The following FUBP1 variants were observed in gnomAD, a reference collection of about 807,000 sequenced individuals.
FUBP1 encodes far upstream element-binding protein 1.
FUBP1 carries 16 observed loss-of-function variants against 94.9 expected under a neutral mutation model. That is an observed-to-expected ratio of 0.17 (90% CI 0.11 to 0.26). The LOEUF is 0.26. Ranked by LOEUF, FUBP1 falls within the 10% of genes least tolerant of loss-of-function variation. FUBP1 has a pLI of 1.00. For missense variants in FUBP1, 583 were observed against 808.6 expected (o/e 0.72, Z 3.38); for synonymous variants, 279 against 254.9 (o/e 1.09, Z -0.90).
At position 77,947,849 on chromosome 1, in the gene FUBP1, T is replaced by A; in HGVS notation, c.*917A>T. ...TTCAATGGCAGATGCAATGTAGCTA[T>A]ACTTTTTGCACACTATTCACTTTTC... On this transcript the variant is annotated 3_prime_UTR_variant, in exon 20 of 20. Coordinates refer to ENST00000370768, the MANE Select transcript of FUBP1 (RefSeq NM_003902.5). 8.9e-7 allele frequency: 1 copy of A among 1,127,522 alleles called. No individual in the cohort carries two copies. Among genetic ancestry groups the A allele is most frequent in the African/African-American group, 1.6e-5 (1 of 62,546 alleles). The allele number at this position is 1,127,522 out of a possible 1,614,324, so 69.8% of individuals were successfully genotyped here. A position where few individuals can be genotyped will look rare whatever the true frequency, so the allele number is the denominator to read the frequency against.
chr1:77,964,286 T>C lies in FUBP1; in HGVS notation c.908A>G (p.Asn303Ser), dbSNP rs1055507710. The change falls in exon 11 of 20, where the codon AAT becomes AGT. Residue 303 changes from asparagine (N) to serine (S), a missense_variant. Physicochemically the swap from Asn to Ser is conservative, Grantham distance 46. Transcript: ENST00000370768. ...RNGEMIKKIQ[N>S]DAGVRIQFKP... ...AAACTGAATGCGAACACCAGCATCA[T>C]TTTGTATTTTTTTGATCATCTCTCC... 6.2e-7 allele frequency: 1 copy of C among 1,609,366 alleles called. No individual in the cohort carries two copies. Among genetic ancestry groups the C allele is most frequent in the Admixed American group, 1.7e-5 (1 of 60,028 alleles).
In FUBP1 at chr1:77,960,846, C is replaced by T. The variant is rs754452836; in HGVS notation, c.1345-351G>A. 4 of 213,310 alleles carry T rather than the reference C, an allele frequency of 1.9e-5. No individual in the cohort carries two copies. The South Asian group carries it at 2.0e-4, about 11-fold the overall frequency. 13.2% of individuals were successfully genotyped at this position (213,310 alleles called of 1,614,324 possible). On this transcript the variant is annotated intron_variant, in intron 14 of 19. Coordinates refer to ENST00000370768, the MANE Select transcript of FUBP1 (RefSeq NM_003902.5). ...TCCATCTTACTCACAGAAATCAGGT[C>T]CTTATCTTCAGCTCTTCTCTCTATA...
chr1:77,970,836 G>C (rs1460229737), intron 1 of FUBP1, among the ~76,000 whole-genome samples: 1 of 152,112 alleles, frequency 6.6e-6, no homozygotes, highest in Non-Finnish European at 1.5e-5. Flanking sequence ...CTTGAGCTCA[G>C]GAGTTCGAGA....
intron 1 of FUBP1, among the ~76,000 whole-genome samples, chr1:77,977,525 C>G (rs867819079): frequency 1.3e-5 from 2 of 152,256 alleles, no homozygotes; most frequent in South Asian, 2.1e-4. Context: ...GACTCCGTCT[C>G]AAACAAAACA....
chr1:77,952,674 T>A (rs536524248), intron 18 of FUBP1, among the ~76,000 whole-genome samples: 5 of 152,206 alleles, frequency 3.3e-5, no homozygotes, highest in Non-Finnish European at 7.3e-5. Flanking sequence ...TTCTTATTTG[T>A]GGTAAAAAGA....
rs565098453 is a variant in FUBP1 at position 77,964,488 on chromosome 1, T to C, written c.838-132A>G. On this transcript the variant is annotated intron_variant, in intron 10 of 19. Coordinates refer to ENST00000370768, the MANE Select transcript of FUBP1 (RefSeq NM_003902.5). Reference sequence around the variant, plus strand: ...AAAAGTACATATAATTCTATATTTATAGTAAATAGGGTAACAAGATATATA... The same window carrying C: ...AAAAGTACATATAATTCTATATTTACAGTAAATAGGGTAACAAGATATATA... 9.0e-6 allele frequency: 6 copies of C among 666,970 alleles called. No individual in the cohort carries two copies. The African/African-American group carries it at 9.1e-5, about 10-fold the overall frequency. The allele number at this position is 666,970 out of a possible 1,614,324, so 41.3% of individuals were successfully genotyped here.
At chr1:77,952,847 T>C (rs778363451) in intron 18 of FUBP1, among the ~76,000 whole-genome samples, 2 of 152,188 alleles carry the variant, frequency 1.3e-5, no homozygotes, top group Non-Finnish European at 2.9e-5. Context: ...CTTTAAGATA[T>C]ACACATGTGG....
chr1:77,966,866 A>G lies in FUBP1; in HGVS notation c.415+18T>C, dbSNP rs1252596672. 1 of 1,507,722 alleles carries G rather than the reference A, an allele frequency of 6.6e-7. No homozygotes were observed. The highest frequency in any genetic ancestry group is 9.2e-7 in the Non-Finnish European group (1 of 1,085,486). 93.4% of individuals were successfully genotyped at this position (1,507,722 alleles called of 1,614,324 possible). On this transcript the variant is annotated intron_variant, in intron 6 of 19. Transcript: ENST00000370768. Reference sequence around the variant, plus strand: ...GTTTTCTAGTCACACTGAAAATACCATGAGAATGTAACATTACCAGGAGCT... The same window carrying G: ...GTTTTCTAGTCACACTGAAAATACCGTGAGAATGTAACATTACCAGGAGCT...
At chr1:77,979,235 G>A (rs1373533852), upstream of FUBP1, 7 of 508,538 alleles carry the variant, frequency 1.4e-5, no homozygotes. Flanking sequence ...CGAGGATTAA[G>A]TTTAAGACTT....
intron 12 of FUBP1, 147 bp downstream of exon 12, chr1:77,963,915 C>G (rs1656003385): frequency 1.5e-6 from 1 of 683,144 alleles, no homozygotes; most frequent in Non-Finnish European, 2.5e-6. Flanking sequence ...CTTCCTGCTC[C>G]AAGATCTTTA....
intron 2 of FUBP1, 104 bp downstream of exon 2, chr1:77,969,821 T>G: frequency 2.0e-6 from 1 of 511,764 alleles, no homozygotes; most frequent in Non-Finnish European, 3.5e-6. Flanking sequence ...TTTAACAACC[T>G]TATAATAAAA....
intron 16 of FUBP1, among the ~76,000 whole-genome samples, chr1:77,957,951 CCAGCT>C (rs1356727731): frequency 1.3e-5 from 2 of 151,930 alleles, no homozygotes; most frequent in Non-Finnish European, 2.9e-5. Flanking sequence ...GCCACCACAT[CCAGCT>C]AATTTTTGTA....
At position 77,968,150 on chromosome 1, in the gene FUBP1, A is replaced by T; in HGVS notation, c.250+15T>A. On this transcript the variant is annotated intron_variant, in intron 3 of 19. Transcript: ENST00000370768. ...GTTACTTTAGCTTTTGACCCAGTTTAAAAGGAATACTTACAGTCATTTTGA... is the reference window on the plus strand; with the variant it reads ...GTTACTTTAGCTTTTGACCCAGTTTTAAAGGAATACTTACAGTCATTTTGA... 1.3e-5 allele frequency: 19 copies of T among 1,475,586 alleles called. No individual in the cohort carries two copies. The highest frequency in any genetic ancestry group is 1.7e-5 in the Non-Finnish European group (19 of 1,095,202). The allele number at this position is 1,475,586 out of a possible 1,614,324, so 91.4% of individuals were successfully genotyped here.
At chr1:77,979,117 C>T, upstream of FUBP1, 1 of 1,134,130 alleles carries the variant, frequency 8.8e-7, no homozygotes, top group Non-Finnish European at 1.2e-6. Context: ...GCGCGACCAT[C>T]GTGCCGTAAA....
chr1:77,949,164 T>C lies in FUBP1; in HGVS notation c.1917A>G (p.Pro639=), dbSNP rs902092198. 1.9e-6 allele frequency: 3 copies of C among 1,612,718 alleles called. No individual in the cohort carries two copies. The highest frequency in any genetic ancestry group is 2.5e-6 in the Non-Finnish European group (3 of 1,179,116). Residue 639 remains proline, a synonymous_variant, in exon 19 of 20, where the codon CCA becomes CCG. Coordinates refer to ENST00000370768, the MANE Select transcript of FUBP1 (RefSeq NM_003902.5). ...AGCAATTACATTATACCTGAGGTGC[T>C]GGAGGATGCTGTGGCATTCCCTGGG... The part of the protein sequence containing the change: ...TSPQGMPQHP[P]APQGQ
chr1:77,975,520 G>A (rs780641918), intron 1 of FUBP1, among the ~76,000 whole-genome samples: 4 of 152,136 alleles, frequency 2.6e-5, no homozygotes, highest in East Asian at 1.9e-4. Context: ...AAGAAGGATC[G>A]AATACATAAT....
chr1:77,975,915 T>C (rs907575084), intron 1 of FUBP1, among the ~76,000 whole-genome samples: 8 of 151,454 alleles, frequency 5.3e-5, no homozygotes, highest in African/African-American at 1.9e-4. Flanking sequence ...TGACCAGATG[T>C]CAACAACCAG....
chr1:77,966,440 C>T (rs1019245054), intron 7 of FUBP1, among the ~76,000 whole-genome samples: 8 of 152,134 alleles, frequency 5.3e-5, no homozygotes, highest in Non-Finnish European at 7.3e-5. Flanking sequence ...CTTCTCCAGG[C>T]TACACGTGGC....
chr1:77,976,331 T>G (rs1658581366), intron 1 of FUBP1, among the ~76,000 whole-genome samples: 1 of 152,088 alleles, frequency 6.6e-6, no homozygotes, highest in Non-Finnish European at 1.5e-5. Context: ...AAAACTAAAG[T>G]TAGGGAGCTC....
Sources: allele counts gnomAD v4.1 joint callset (sites outside exome capture counted in the v4.1 genomes callset), GRCh38; gene constraint gnomAD v4.1.1; transcripts MANE v1.5; gene names NCBI Gene and HGNC (gene_info 2026-07-23, HGNC 2026-07-21).